The following BFSP1 variants were observed in gnomAD, a reference collection of about 807,000 sequenced individuals.
The protein encoded by BFSP1 is filensin.
A neutral mutation model predicts 43.9 loss-of-function variants in BFSP1; 38 were observed. That is an observed-to-expected ratio of 0.87 (90% CI 0.67 to 1.14). BFSP1 has a LOEUF of 1.14. Ranked by LOEUF, BFSP1 falls within the 50% of genes most tolerant of loss-of-function variation. The probability of loss-of-function intolerance (pLI) is 0.00; values close to 1 mark genes in which losing one functional copy is unlikely to be tolerated. For missense variants in BFSP1, 850 were observed against 875.1 expected (o/e 0.97, Z 0.36); for synonymous variants, 352 against 354.8 (o/e 0.99, Z 0.09).
chr20:17,503,317 A>G (rs977755376), intron 5 of BFSP1, among the ~76,000 whole-genome samples: 1 of 152,268 alleles, frequency 6.6e-6, no homozygotes, highest in Non-Finnish European at 1.5e-5. Context: ...GGCGTGAGCC[A>G]TAGCACCTAT....
intron 1 of BFSP1, among the ~76,000 whole-genome samples, chr20:17,537,062 TCTGACTCTGCACC>T (rs368110390): frequency 1.3e-5 from 2 of 152,176 alleles, no homozygotes; most frequent in African/African-American, 4.8e-5. Context: ...GCTCTAACAC[TCTGACTCTGCACC>T]TTTTACCATC....
chr20:17,510,685 C>A (rs1445371563), intron 4 of BFSP1, among the ~76,000 whole-genome samples: 1 of 152,212 alleles, frequency 6.6e-6, no homozygotes, highest in Non-Finnish European at 1.5e-5. Flanking sequence ...GTGACCCCAG[C>A]CCATGGGTTC....
intron 1 of BFSP1, among the ~76,000 whole-genome samples, chr20:17,542,438 A>C (rs1393405084): frequency 1.3e-5 from 2 of 151,832 alleles, no homozygotes; most frequent in African/African-American, 4.8e-5. Context: ...AAAAAAAAAA[A>C]AAAAAAAAAA....
At chr20:17,544,761 G>A (rs1160728939) in intron 1 of BFSP1, among the ~76,000 whole-genome samples, 1 of 152,168 alleles carries the variant, frequency 6.6e-6, no homozygotes, top group Non-Finnish European at 1.5e-5. Context: ...TCACAGTGCT[G>A]TGGAATAGCC....
chr20:17,497,483 T>TGTGTATATATATATACACGTATATATAC (rs2033666769), intron 6 of BFSP1, among the ~76,000 whole-genome samples: 1 of 134,898 alleles, frequency 7.4e-6, no homozygotes, highest in African/African-American at 2.6e-5. Flanking sequence ...TATATATACG[T>TGTGTATATATATATACACGTATATATAC]GTGTATATAT....
rs180959788 is a variant in BFSP1, at chr20:17,545,484, C to G, written c.2+13204G>C. ...AAACATTATGAAGGAGGGGGCCGGGCACGGTGGCTTATGCCTGTAATCCCA... is the reference window on the plus strand; with the variant it reads ...AAACATTATGAAGGAGGGGGCCGGGGACGGTGGCTTATGCCTGTAATCCCA... On this transcript the variant is annotated intron_variant, in intron 1 of 7. Transcript: ENST00000377868. Among the ~76,000 whole-genome samples the G allele has an allele frequency of 4.7e-3, 709 of 152,334 alleles. 3 individuals are homozygous for G. Among genetic ancestry groups the G allele is most frequent in the South Asian group, 7.3e-3 (35 of 4,822 alleles).
intron 5 of BFSP1, among the ~76,000 whole-genome samples, chr20:17,499,783 G>A (rs905342293): frequency 2.6e-5 from 4 of 152,118 alleles, no homozygotes; most frequent in Admixed American, 1.3e-4. Flanking sequence ...TTAGCTGGGA[G>A]TGGTGGCACA....
intron 5 of BFSP1, among the ~76,000 whole-genome samples, chr20:17,506,658 G>C (rs1429874615): frequency 6.6e-6 from 1 of 151,280 alleles, no homozygotes; most frequent in African/African-American, 2.4e-5. Flanking sequence ...CTAAGTAGCT[G>C]GAACCACAGG....
upstream of BFSP1, chr20:17,531,431 C>T (rs1600668157): frequency 8.0e-7 from 1 of 1,242,410 alleles, no homozygotes; most frequent in Non-Finnish European, 1.0e-6. Context: ...GCCCCCGGCG[C>T]GCTGCTGGGA....
chr20:17,535,890 T>C (rs146009268), upstream of BFSP1, among the ~76,000 whole-genome samples: 1,181 of 152,186 alleles, frequency 7.8e-3, 7 homozygotes, highest in South Asian at 0.017. Flanking sequence ...GCAGTAACAA[T>C]AGGAGAAAAT....
intron 1 of BFSP1, among the ~76,000 whole-genome samples, chr20:17,568,802 C>CA (rs1430736985): frequency 2.2e-4 from 33 of 149,372 alleles, no homozygotes; most frequent in African/African-American, 7.0e-4. Context: ...TACGTAGTGC[C>CA]GGAAAAAAAA....
upstream of BFSP1, among the ~76,000 whole-genome samples, chr20:17,531,694 G>A (rs1410034600): frequency 6.6e-6 from 1 of 152,200 alleles, no homozygotes; most frequent in Non-Finnish European, 1.5e-5. Flanking sequence ...GAATCCCCAA[G>A]CGAACTCTTT....
chr20:17,554,559 C>G (rs2034959062), intron 1 of BFSP1, among the ~76,000 whole-genome samples: 1 of 152,070 alleles, frequency 6.6e-6, no homozygotes, highest in Non-Finnish European at 1.5e-5. Flanking sequence ...AAATACCCAC[C>G]ACTGATGAAA....
chr20:17,543,825 C>T lies in BFSP1; in HGVS notation c.2+14863G>A, dbSNP rs184096682. Among the ~76,000 whole-genome samples, 6 of 152,350 alleles carry T rather than the reference C, an allele frequency of 3.9e-5. No homozygotes were observed. In the East Asian group the frequency reaches 1.2e-3, roughly 29 times the overall value. ...TTAAATAGTCTGGATTTAAATCCTT[C>T]ATGACCCATTAGCTACATGACTTAC... On this transcript the variant is annotated intron_variant, in intron 1 of 7. Coordinates refer to the BFSP1 transcript ENST00000377868.
chr20:17,560,724 G>A (rs1600688888), upstream of BFSP1: 2 of 152,268 alleles, frequency 1.3e-5, no homozygotes, highest in Non-Finnish European at 1.5e-5. Flanking sequence ...CCTCTGGGGT[G>A]GGCGCTTTGC....
upstream of BFSP1, among the ~76,000 whole-genome samples, chr20:17,563,885 TAAAAAAA>T (rs998399781): frequency 7.8e-4 from 71 of 90,786 alleles, 1 homozygote; most frequent in African/African-American, 2.8e-3. Flanking sequence ...AGACCGTGTC[TAAAAAAA>T]AAAAAAAAAA....
At chr20:17,504,769 C>T (rs2033888978) in intron 5 of BFSP1, among the ~76,000 whole-genome samples, 1 of 152,198 alleles carries the variant, frequency 6.6e-6, no homozygotes, top group Non-Finnish European at 1.5e-5. Flanking sequence ...CGTTAGATTG[C>T]CTGGTTTATA....
intron 1 of BFSP1, among the ~76,000 whole-genome samples, chr20:17,543,620 C>T (rs1456116158): frequency 1.3e-5 from 2 of 152,098 alleles, no homozygotes; most frequent in African/African-American, 4.8e-5. Context: ...GCAGACTCAT[C>T]CAAGTTATGC....
intron 3 of BFSP1, among the ~76,000 whole-genome samples, chr20:17,514,213 C>A (rs574095515): frequency 6.6e-6 from 1 of 152,168 alleles, no homozygotes; most frequent in Admixed American, 6.5e-5. Flanking sequence ...TTAGGCCACT[C>A]ACCCATAGTC....
Sources: allele counts gnomAD v4.1 joint callset (sites outside exome capture counted in the v4.1 genomes callset), GRCh38; gene constraint gnomAD v4.1.1; transcripts MANE v1.5; gene names NCBI Gene and HGNC (gene_info 2026-07-23, HGNC 2026-07-21).